NEDD9: variants seen among roughly 807,000 people sequenced by gnomAD.
NEDD9 encodes the protein neural precursor cell expressed, developmentally down-regulated 9, also known as enhancer of filamentation 1.
NEDD9 carries 26 observed loss-of-function variants against 76.6 expected under a neutral mutation model. The observed-to-expected ratio is 0.34, with a 90% CI of 0.25 to 0.47. The LOEUF is 0.47. NEDD9 is among the 20% of genes least tolerant of loss of function. NEDD9 has a pLI of 1.00. For missense variants in NEDD9, 937 were observed against 1,058.5 expected (o/e 0.89, Z 1.59); for synonymous variants, 392 against 414.2 (o/e 0.95, Z 0.65).
intron 1 of NEDD9, among the ~76,000 whole-genome samples, chr6:11,214,847 T>C (rs1173039791): frequency 6.6e-6 from 1 of 152,232 alleles, no homozygotes; most frequent in African/African-American, 2.4e-5. Flanking sequence ...CTTAATGTCA[T>C]TGAGGTGGGG....
chr6:11,192,489 T>A, intron 3 of NEDD9, 43 bp from the exon 4 acceptor site: 1 of 1,431,450 alleles, frequency 7.0e-7, no homozygotes. Flanking sequence ...AAATGTCTTA[T>A]ACTTGGTCAT....
intron 3 of NEDD9, among the ~76,000 whole-genome samples, chr6:11,303,401 T>C (rs1761102875): frequency 6.6e-6 from 1 of 152,220 alleles, no homozygotes; most frequent in Non-Finnish European, 1.5e-5. Context: ...TCCATGTTCA[T>C]GGATAGGAAG....
chr6:11,280,566 C>T (rs1409506132), intron 3 of NEDD9, among the ~76,000 whole-genome samples: 7 of 152,350 alleles, frequency 4.6e-5, no homozygotes, highest in African/African-American at 1.7e-4. Flanking sequence ...CAGAGTCTGA[C>T]CTGCAGTTAT....
At chr6:11,253,198 T>G (rs145562688) in intron 3 of NEDD9, among the ~76,000 whole-genome samples, 1 of 152,338 alleles carries the variant, frequency 6.6e-6, no homozygotes, top group South Asian at 2.1e-4. Context: ...TTCATGAATG[T>G]GCGCAGTCGT....
chr6:11,319,539 C>T (rs1017209231), intron 2 of NEDD9, among the ~76,000 whole-genome samples: 7 of 87,110 alleles, frequency 8.0e-5, no homozygotes, highest in Non-Finnish European at 1.1e-4. Context: ...CACTAACATG[C>T]GGACACACAC....
intron 3 of NEDD9, chr6:11,305,804 A>T: frequency 1.5e-6 from 1 of 653,914 alleles, no homozygotes; most frequent in South Asian, 1.8e-5. Context: ...GCATCAGTGC[A>T]TCCATGTAAA....
chr6:11,212,794 C>T (rs1354328781), intron 2 of NEDD9, among the ~76,000 whole-genome samples: 2 of 152,148 alleles, frequency 1.3e-5, no homozygotes, highest in Non-Finnish European at 2.9e-5. Flanking sequence ...TGACATACTC[C>T]CAGCTTCCTC....
At chr6:11,264,490 C>T (rs1174382527) in intron 3 of NEDD9, among the ~76,000 whole-genome samples, 1 of 152,148 alleles carries the variant, frequency 6.6e-6, no homozygotes, top group African/African-American at 2.4e-5. Context: ...AAGCAGGAGG[C>T]AGATATTTAG....
chr6:11,294,643 A>G (rs140836729), intron 3 of NEDD9, among the ~76,000 whole-genome samples: 33 of 152,338 alleles, frequency 2.2e-4, no homozygotes, highest in African/African-American at 6.3e-4. Context: ...CTTTATAGCA[A>G]TGTAAGAACG....
intron 1 of NEDD9, among the ~76,000 whole-genome samples, chr6:11,343,866 A>G (rs1762318786): frequency 6.6e-6 from 1 of 152,224 alleles, no homozygotes; most frequent in African/African-American, 2.4e-5. Flanking sequence ...AACATAGACT[A>G]AATACACGGG....
intron 1 of NEDD9, among the ~76,000 whole-genome samples, chr6:11,358,357 G>A (rs1426015235): frequency 1.3e-5 from 2 of 151,682 alleles, no homozygotes; most frequent in African/African-American, 4.8e-5. Context: ...AGAAACGCCT[G>A]CCAGTGCAGA....
upstream of NEDD9, among the ~76,000 whole-genome samples, chr6:11,233,777 C>G (rs1485018289): frequency 6.6e-6 from 1 of 152,156 alleles, no homozygotes; most frequent in Non-Finnish European, 1.5e-5. Flanking sequence ...CGAAAAATTC[C>G]TTTTTCCCGG....
chr6:11,349,113 A>G (rs1762416975), intron 1 of NEDD9, among the ~76,000 whole-genome samples: 1 of 152,238 alleles, frequency 6.6e-6, no homozygotes, highest in Admixed American at 6.5e-5. Flanking sequence ...GGCAAAGGAC[A>G]TAAAAAGACA....
chr6:11,191,018 G>C lies in NEDD9; in HGVS notation c.851C>G (p.Pro284Arg). Residue 284 changes from proline (P) to arginine (R), a missense_variant, in exon 5 of 7, where the codon CCA becomes CGA. Pro to Arg is a moderately radical substitution (Grantham distance 103). Coordinates refer to ENST00000379446, the MANE Select transcript of NEDD9 (RefSeq NM_006403.4). ...TCGAGCCACCGGTTCTGCAGCTCCT[G>C]GAATGTCACAGTTGTATTTTACATG... The part of the protein sequence containing the change: ...DLHVKYNCDI[P>R]GAAEPVARRH... 6.2e-7 allele frequency: 1 copy of C among 1,614,020 alleles called. No homozygotes were observed. Among genetic ancestry groups the C allele is most frequent in the Non-Finnish European group, 8.5e-7 (1 of 1,180,018 alleles).
At chr6:11,225,989 A>G (rs1452689778) in intron 1 of NEDD9, among the ~76,000 whole-genome samples, 1 of 152,120 alleles carries the variant, frequency 6.6e-6, no homozygotes, top group African/African-American at 2.4e-5. Context: ...TGCCCGTTCT[A>G]TCTTCCTCAA....
At chr6:11,326,126 A>G (rs1232227553) in intron 2 of NEDD9, among the ~76,000 whole-genome samples, 1 of 151,460 alleles carries the variant, frequency 6.6e-6, no homozygotes, top group Non-Finnish European at 1.5e-5. Flanking sequence ...AGCCTGGGCA[A>G]CAGAGCAAAA....
intron 1 of NEDD9, among the ~76,000 whole-genome samples, chr6:11,357,099 G>T (rs566736460): frequency 6.6e-6 from 1 of 152,104 alleles, no homozygotes; most frequent in African/African-American, 2.4e-5. Context: ...TTTGAAGGCC[G>T]GCAGATTTCC....
At chr6:11,304,894 A>G (rs1431590990) in intron 3 of NEDD9, among the ~76,000 whole-genome samples, 4 of 152,240 alleles carry the variant, frequency 2.6e-5, no homozygotes, top group African/African-American at 9.6e-5. Context: ...CACATGGCAC[A>G]TGTATACCTA....
chr6:11,270,159 G>C (rs1341668207), intron 3 of NEDD9, among the ~76,000 whole-genome samples: 3 of 152,182 alleles, frequency 2.0e-5, no homozygotes, highest in Admixed American at 6.5e-5. Context: ...CTCTCTTGTT[G>C]ATAAACAAAG....
Sources: allele counts gnomAD v4.1 joint callset (sites outside exome capture counted in the v4.1 genomes callset), GRCh38; gene constraint gnomAD v4.1.1; transcripts MANE v1.5; gene names NCBI Gene and HGNC (gene_info 2026-07-23, HGNC 2026-07-21).